LEKR1: variants seen among roughly 807,000 people sequenced by gnomAD.
LEKR1 encodes leucine, glutamate and lysine rich 1, also known as protein LEKR1.
LEKR1 carries 59 observed loss-of-function variants against 72.4 expected under a neutral mutation model. That is an observed-to-expected ratio of 0.82 (90% CI 0.66 to 1.01). The LOEUF (loss-of-function observed/expected upper bound fraction) is 1.01. LEKR1 is among the 50% of genes least tolerant of loss of function. The pLI is 0.00. For synonymous variants in LEKR1, 257 were observed against 263.2 expected (o/e 0.98, Z 0.23); for missense variants, 728 against 759.2 (o/e 0.96, Z 0.48).
intron 3 of LEKR1, among the ~76,000 whole-genome samples, chr3:156,875,017 C>G (rs1327184311): frequency 6.6e-6 from 1 of 152,100 alleles, no homozygotes; most frequent in African/African-American, 2.4e-5. Flanking sequence ...ATGTCTTTTT[C>G]ATTTAATGAC....
At chr3:157,008,441 G>A (rs184799862) in intron 9 of LEKR1, among the ~76,000 whole-genome samples, 24 of 152,270 alleles carry the variant, frequency 1.6e-4, no homozygotes, top group African/African-American at 5.8e-4. Flanking sequence ...GTTTGTATAT[G>A]TATCAAATAT....
chr3:156,982,786 TA>T (rs1043556898), intron 7 of LEKR1, among the ~76,000 whole-genome samples: 32 of 152,106 alleles, frequency 2.1e-4, no homozygotes, highest in African/African-American at 7.7e-4. Context: ...CTATTGCTTT[TA>T]AACATATATG....
At position 156,927,503 on chromosome 3, in the gene LEKR1, C is replaced by A; in HGVS notation, c.458C>A (p.Thr153Asn). 3 of 1,195,266 alleles carry A rather than the reference C, an allele frequency of 2.5e-6. No homozygotes were observed. Among genetic ancestry groups the A allele is most frequent in the Non-Finnish European group, 3.2e-6 (3 of 934,440 alleles). 74.0% of individuals were successfully genotyped at this position (1,195,266 alleles called of 1,614,324 possible). A position where few individuals can be genotyped will look rare whatever the true frequency, so the allele number is the denominator to read the frequency against. Residue 153 changes from threonine (T) to asparagine (N), a missense_variant, in exon 5 of 13, where the codon ACC becomes AAC. Coordinates refer to ENST00000356539, the MANE Select transcript of LEKR1 (RefSeq NM_001004316.3). ...SLLTFTKRELTSIKNEVYDNY... is the reference protein window; with the variant it reads ...SLLTFTKRELNSIKNEVYDNY... ...CTTACTTTTACTAAAAGGGAACTAA[C>A]CAGTATTAAAAATGAAGTATATGAT...
At chr3:156,851,244 C>T (rs866301241) in intron 2 of LEKR1, 1 of 152,198 alleles carries the variant, frequency 6.6e-6, no homozygotes, top group African/African-American at 2.4e-5. Flanking sequence ...TTCCTGATAG[C>T]TGTCTTCAAA....
Position 156,863,151 on chromosome 3 carries a change from C to G in LEKR1, c.263+10169C>G, listed in dbSNP as rs1716952647. On this transcript the variant is annotated intron_variant, in intron 3 of 12. Coordinates refer to ENST00000356539, the MANE Select transcript of LEKR1 (RefSeq NM_001004316.3). ...TGGGTTTTTTGTTTGCTTATTTAAGCAAGGCTGACTTTAACATTGGAAGAA... is the reference window on the plus strand; with the variant it reads ...TGGGTTTTTTGTTTGCTTATTTAAGGAAGGCTGACTTTAACATTGGAAGAA... Among the ~76,000 whole-genome samples the G allele has an allele frequency of 2.0e-5, 3 of 152,038 alleles. No individual in the cohort carries two copies. The South Asian group carries it at 6.2e-4, about 32-fold the overall frequency.
chr3:156,854,733 T>C (rs1715835546), intron 3 of LEKR1, among the ~76,000 whole-genome samples: 2 of 151,744 alleles, frequency 1.3e-5, no homozygotes, highest in African/African-American at 4.8e-5. Context: ...GTTTTTTTTT[T>C]TCTAGAGATG....
At chr3:157,036,365 A>T (rs1734968863) in intron 12 of LEKR1, among the ~76,000 whole-genome samples, 1 of 152,160 alleles carries the variant, frequency 6.6e-6, no homozygotes, top group African/African-American at 2.4e-5. Flanking sequence ...AGTAGAAGAA[A>T]AAAGCAAAAA....
chr3:157,032,080 T>TGAGAGA (rs143205047), intron 12 of LEKR1, among the ~76,000 whole-genome samples: 2 of 132,296 alleles, frequency 1.5e-5, no homozygotes, highest in Admixed American at 1.5e-4. Flanking sequence ...GGAGAGAGAG[T>TGAGAGA]GAGAGAGAGA....
At chr3:156,990,016 AACATTTTCTCTTCTAGT>A (rs2108007577) in intron 7 of LEKR1, among the ~76,000 whole-genome samples, 1 of 152,344 alleles carries the variant, frequency 6.6e-6, no homozygotes, top group South Asian at 2.1e-4. Context: ...TATCTTTTAT[AACATTTTCTCTTCTAGT>A]ACAGGATCCA....
chr3:157,035,727 C>T (rs182254676), intron 12 of LEKR1, among the ~76,000 whole-genome samples: 103 of 152,154 alleles, frequency 6.8e-4, no homozygotes, highest in Admixed American at 2.0e-3. Context: ...GGTAAAACTC[C>T]GTCTCTACTG....
At chr3:156,846,876 C>A (rs964293716) in intron 2 of LEKR1, among the ~76,000 whole-genome samples, 1 of 142,628 alleles carries the variant, frequency 7.0e-6, no homozygotes, top group African/African-American at 2.5e-5. Context: ...GCAGCAGCAC[C>A]ATCTCAGCTC....
intron 5 of LEKR1, among the ~76,000 whole-genome samples, chr3:156,936,144 G>A (rs1725679542): frequency 6.6e-6 from 1 of 152,084 alleles, no homozygotes; most frequent in Non-Finnish European, 1.5e-5. Context: ...AGTCAGGAAT[G>A]TTAGAACTCT....
At chr3:156,957,977 G>T (rs1048563627) in intron 6 of LEKR1, among the ~76,000 whole-genome samples, 3 of 152,014 alleles carry the variant, frequency 2.0e-5, no homozygotes, top group African/African-American at 7.2e-5. Context: ...TCACACCATG[G>T]ATAACACCCA....
chr3:157,018,608 G>A, intron 10 of LEKR1, among the ~76,000 whole-genome samples: 1 of 151,946 alleles, frequency 6.6e-6, no homozygotes, highest in Non-Finnish European at 1.5e-5. Flanking sequence ...GTAGGGGTTG[G>A]GGGGACAGCT....
Position 157,046,036 on chromosome 3 carries a change from C to A in LEKR1, c.*286C>A. 1 of 292,096 alleles carries A rather than the reference C, an allele frequency of 3.4e-6. No homozygotes were observed. 18.1% of individuals were successfully genotyped at this position (292,096 alleles called of 1,614,324 possible). ...TCTATGAATATAGCCTTTTAGAGATCACAGGTAAAATTTTTCACCCATAAC... is the reference window on the plus strand; with the variant it reads ...TCTATGAATATAGCCTTTTAGAGATAACAGGTAAAATTTTTCACCCATAAC... On this transcript the variant is annotated 3_prime_UTR_variant, in exon 13 of 13. Transcript: ENST00000356539.
intron 3 of LEKR1, among the ~76,000 whole-genome samples, chr3:156,874,809 A>G (rs1432993453): frequency 2.0e-5 from 3 of 152,188 alleles, no homozygotes; most frequent in Admixed American, 6.5e-5. Context: ...TTTCTGAATT[A>G]CTTCATTTAG....
intron 3 of LEKR1, among the ~76,000 whole-genome samples, chr3:156,900,635 A>T (rs1721934791): frequency 6.6e-6 from 1 of 152,232 alleles, no homozygotes; most frequent in Non-Finnish European, 1.5e-5. Flanking sequence ...TGAGTTAGAA[A>T]ATATTTAGTG....
chr3:156,869,542 G>T (rs553449234), intron 3 of LEKR1, among the ~76,000 whole-genome samples: 1 of 151,364 alleles, frequency 6.6e-6, no homozygotes, highest in African/African-American at 2.4e-5. Context: ...CTTTTTAATT[G>T]AATTATTTGG....
chr3:156,942,733 C>T lies in LEKR1; in HGVS notation c.745+19C>T, dbSNP rs1409526354. ...GTACTAGGTAAAGAAAAGTCTTTTGCTGTTTTTGGTGACTAGTTATATAAG... is the reference window on the plus strand; with the variant it reads ...GTACTAGGTAAAGAAAAGTCTTTTGTTGTTTTTGGTGACTAGTTATATAAG... On this transcript the variant is annotated intron_variant, in intron 6 of 12. Transcript: ENST00000356539. 8.4e-7 allele frequency: 1 copy of T among 1,191,338 alleles called. No homozygotes were observed. Among genetic ancestry groups the T allele is most frequent in the Non-Finnish European group, 1.1e-6 (1 of 932,432 alleles). The allele number at this position is 1,191,338 out of a possible 1,614,324, so 73.8% of individuals were successfully genotyped here. A position where few individuals can be genotyped will look rare whatever the true frequency, so the allele number is the denominator to read the frequency against.
Sources: gnomAD v4.1 joint callset for allele counts (sites outside exome capture counted in the v4.1 genomes callset) on GRCh38, gnomAD v4.1.1 for gene constraint, MANE v1.5 for transcripts, NCBI Gene and HGNC (gene_info 2026-07-23, HGNC 2026-07-21) for gene names.